KCNS3: variants seen among roughly 807,000 people sequenced by gnomAD.
KCNS3 encodes the protein potassium voltage-gated channel modifier subfamily S member 3.
In KCNS3, 13 loss-of-function variants were observed where a neutral mutation model predicts 31.0. The observed-to-expected ratio is 0.42, with a 90% CI of 0.27 to 0.67. The LOEUF is 0.67. Among genes scored for constraint, KCNS3 ranks in the 30% least tolerant of loss-of-function variants. The probability of loss-of-function intolerance (pLI) is 0.25; values close to 1 mark genes in which losing one functional copy is unlikely to be tolerated. For synonymous variants in KCNS3, 238 were observed against 241.5 expected (o/e 0.99, Z 0.13); for missense variants, 545 against 622.4 (o/e 0.88, Z 1.32).
intron 1 of KCNS3, among the ~76,000 whole-genome samples, chr2:17,915,846 G>C (rs1662576817): frequency 6.6e-6 from 1 of 152,094 alleles, no homozygotes; most frequent in African/African-American, 2.4e-5. Flanking sequence ...AGTTTTTTTG[G>C]ATAGGAATCA....
intron 1 of KCNS3, among the ~76,000 whole-genome samples, chr2:17,890,944 G>T (rs1661838829): frequency 6.6e-6 from 1 of 152,130 alleles, no homozygotes; most frequent in African/African-American, 2.4e-5. Flanking sequence ...AAGTCCATTT[G>T]TTCCAAGGTA....
intron 1 of KCNS3, among the ~76,000 whole-genome samples, chr2:17,910,820 T>G (rs1201884067): frequency 6.6e-6 from 1 of 152,198 alleles, no homozygotes; most frequent in Non-Finnish European, 1.5e-5. Flanking sequence ...TACTTTGGTA[T>G]TCCTAATTCA....
intron 1 of KCNS3, among the ~76,000 whole-genome samples, chr2:17,912,727 A>G (rs1405152882): frequency 6.6e-6 from 1 of 152,224 alleles, no homozygotes; most frequent in Non-Finnish European, 1.5e-5. Flanking sequence ...AAGTCTTGGG[A>G]TTCCTGCAGT....
intron 1 of KCNS3, among the ~76,000 whole-genome samples, chr2:17,891,254 A>G (rs1661849608): frequency 6.6e-6 from 1 of 152,134 alleles, no homozygotes; most frequent in Non-Finnish European, 1.5e-5. Context: ...GTCCATTTGC[A>G]TGAAATGTCT....
Position 17,929,284 on chromosome 2 carries a change from C to T in KCNS3, c.-59-1666C>T, listed in dbSNP as rs73918990. Among the ~76,000 whole-genome samples the T allele has an allele frequency of 7.6e-3, 1,155 of 152,274 alleles. 7 individuals carry two copies. Among genetic ancestry groups the T allele is most frequent in the African/African-American group, 0.026 (1,063 of 41,538 alleles). ...AATTTATAAAGATTTAATTGACTTACAGTTCTGCAGGCTGTACAGGAGGCA... is the reference window on the plus strand; with the variant it reads ...AATTTATAAAGATTTAATTGACTTATAGTTCTGCAGGCTGTACAGGAGGCA... On this transcript the variant is annotated intron_variant, in intron 2 of 2. Transcript: ENST00000304101.
intron 1 of KCNS3, among the ~76,000 whole-genome samples, chr2:17,888,629 G>GTATATCTATATATATATATATA (rs35102585): frequency 9.7e-5 from 9 of 92,368 alleles, no homozygotes; most frequent in African/African-American, 3.1e-4. Flanking sequence ...TAAAAAAAAT[G>GTATATCTATATATATATATATA]TATATATATA....
At chr2:17,884,033 A>C (rs1260298843) in intron 1 of KCNS3, among the ~76,000 whole-genome samples, 1 of 141,434 alleles carries the variant, frequency 7.1e-6, no homozygotes, top group Admixed American at 7.6e-5. Flanking sequence ...GCATGTTCTC[A>C]CTCATAGGTG....
At chr2:17,892,374 C>T (rs1661881194) in intron 1 of KCNS3, among the ~76,000 whole-genome samples, 1 of 151,994 alleles carries the variant, frequency 6.6e-6, no homozygotes, top group Admixed American at 6.6e-5. Flanking sequence ...TTGGGCCTCA[C>T]CTTTCTCTGG....
chr2:17,888,629 G>GTATATCTATATCTATATCTA (rs35102585), intron 1 of KCNS3, among the ~76,000 whole-genome samples: 1 of 92,368 alleles, frequency 1.1e-5, no homozygotes, highest in South Asian at 4.1e-4. Flanking sequence ...TAAAAAAAAT[G>GTATATCTATATCTATATCTA]TATATATATA....
At chr2:17,918,878 A>G (rs937770211) in intron 2 of KCNS3, among the ~76,000 whole-genome samples, 2 of 152,166 alleles carry the variant, frequency 1.3e-5, no homozygotes, top group Non-Finnish European at 2.9e-5. Flanking sequence ...CCTGGGCCCA[A>G]ATTCTCCAAA....
rs539733649 is a variant in KCNS3, at chr2:17,910,711, A to G, written c.-251-6969A>G. On this transcript the variant is annotated intron_variant, in intron 1 of 2. Coordinates refer to ENST00000304101, the MANE Select transcript of KCNS3 (RefSeq NM_002252.5). ...AGTCTCTGATTGGTTCCTTGTGGCTAAATCTTTCAGGAGGCCCGAGGTGTG... is the reference window on the plus strand; with the variant it reads ...AGTCTCTGATTGGTTCCTTGTGGCTGAATCTTTCAGGAGGCCCGAGGTGTG... Among the ~76,000 whole-genome samples the G allele has an allele frequency of 5.9e-5, 9 of 152,032 alleles. No homozygotes were observed. The South Asian group carries it at 1.7e-3, about 28-fold the overall frequency.
intron 1 of KCNS3, among the ~76,000 whole-genome samples, chr2:17,893,263 A>T (rs1474316556): frequency 6.6e-6 from 1 of 152,038 alleles, no homozygotes; most frequent in Non-Finnish European, 1.5e-5. Context: ...TCCCACTCCC[A>T]CCCTGTCCCC....
intron 1 of KCNS3, among the ~76,000 whole-genome samples, chr2:17,891,034 C>T (rs6531065): frequency 0.33 from 49,938 of 151,900 alleles, 8,866 homozygotes; most frequent in East Asian, 0.57. Flanking sequence ...TCGATGTCCC[C>T]TGATATTGTT....
At position 17,924,251 on chromosome 2, in the gene KCNS3, G is replaced by A. The variant is rs372918528; in HGVS notation, c.-60+6380G>A. Among the ~76,000 whole-genome samples the A allele has an allele frequency of 2.6e-5, 4 of 151,394 alleles. No individual in the cohort carries two copies. In the East Asian group the frequency reaches 7.7e-4, roughly 29 times the overall value. On this transcript the variant is annotated intron_variant, in intron 2 of 2. Transcript: ENST00000304101. ...CTTATTTATTAGTTCTAATTTTTTT[G>A]TATATCTATTCCATAGGATTTTCTA... is the stretch of plus-strand genomic sequence containing the variant.
At position 17,931,878 on chromosome 2, in the gene KCNS3, G is replaced by C; in HGVS notation, c.870G>C (p.Gln290His). ...EDIENMGKVV[Q>H]ILRLMRIFRI... ...TTGAGAACATGGGCAAGGTGGTCCA[G>C]ATCCTACGGCTTATGAGGATTTTCC... Residue 290 changes from glutamine to histidine, a missense_variant, in exon 3 of 3, where the codon CAG becomes CAC. Transcript: ENST00000304101. The surrounding 1 kb of genome is among the most constrained non-coding windows in gnomAD (Gnocchi z 5.4). 6.2e-7 allele frequency: 1 copy of C among 1,614,200 alleles called. No homozygotes were observed. The highest frequency in any genetic ancestry group is 8.5e-7 in the Non-Finnish European group (1 of 1,180,020).
At chr2:17,912,747 A>G (rs1037070075) in intron 1 of KCNS3, among the ~76,000 whole-genome samples, 1 of 152,204 alleles carries the variant, frequency 6.6e-6, no homozygotes, top group Non-Finnish European at 1.5e-5. Context: ...TTGGTATGGC[A>G]TTTACTCACT....
intron 2 of KCNS3, among the ~76,000 whole-genome samples, chr2:17,925,910 G>A (rs908283075): frequency 3.3e-5 from 5 of 152,158 alleles, no homozygotes; most frequent in Non-Finnish European, 7.4e-5. Flanking sequence ...AAAAGTCCAA[G>A]TCCAAAGTTT....
chr2:17,892,356 T>C (rs1336343144), intron 1 of KCNS3, among the ~76,000 whole-genome samples: 1 of 152,100 alleles, frequency 6.6e-6, no homozygotes, highest in Non-Finnish European at 1.5e-5. Context: ...TTTTTGGATC[T>C]CCTTGCATTG....
chr2:17,886,996 G>T (rs2125232542), intron 1 of KCNS3, among the ~76,000 whole-genome samples: 1 of 143,888 alleles, frequency 6.9e-6, no homozygotes, highest in East Asian at 2.0e-4. Context: ...TGTCAGCATG[G>T]TGCATCTTTT....
Sources: allele counts gnomAD v4.1 joint callset (sites outside exome capture counted in the v4.1 genomes callset), GRCh38; gene constraint gnomAD v4.1.1; non-coding constraint Gnocchi (gnomAD v3.1); transcripts MANE v1.5; gene names NCBI Gene and HGNC (gene_info 2026-07-23, HGNC 2026-07-21).